Variants in WNT10A observed in about 807,000 individuals in gnomAD.
The protein encoded by WNT10A is protein Wnt-10a.
Under a neutral mutation model 36.1 loss-of-function variants are expected in WNT10A, and 37 were observed. The ratio of observed to expected loss-of-function variants is 1.02; its 90% CI spans 0.79 to 1.35. The LOEUF (loss-of-function observed/expected upper bound fraction) is 1.35. Ranked by LOEUF, WNT10A falls within the 40% of genes most tolerant of loss-of-function variation. The pLI is 0.00. For missense variants in WNT10A, 613 were observed against 601.4 expected (o/e 1.02, Z -0.20); for synonymous variants, 255 against 254.1 (o/e 1.00, Z -0.03).
chr2:218,890,477 A>T, intron 3 of WNT10A, 114 bp downstream of exon 3: 1 of 1,455,186 alleles, frequency 6.9e-7, no homozygotes, highest in Non-Finnish European at 9.4e-7. Flanking sequence ...CACCTTGGCA[A>T]TCTTCTCGTT....
intron 2 of WNT10A, among the ~76,000 whole-genome samples, chr2:218,883,413 T>A (rs1330676353): frequency 6.6e-6 from 1 of 152,008 alleles, no homozygotes; most frequent in Non-Finnish European, 1.5e-5. Flanking sequence ...AGGCTGTACC[T>A]CAAATTCGGA....
intron 3 of WNT10A, among the ~76,000 whole-genome samples, chr2:218,891,119 TTA>T (rs1944645246): frequency 6.6e-6 from 1 of 152,226 alleles, no homozygotes; most frequent in Non-Finnish European, 1.5e-5. Context: ...GTTATTAACC[TTA>T]TGTTGAGATA....
At chr2:218,888,522 C>A (rs1021731475) in intron 2 of WNT10A, among the ~76,000 whole-genome samples, 3 of 152,222 alleles carry the variant, frequency 2.0e-5, no homozygotes, top group Non-Finnish European at 4.4e-5. Context: ...CCATGTTCAA[C>A]ACTACTACAT....
Position 218,880,854 on chromosome 2 carries a change from C to T in WNT10A, c.-142C>T. On this transcript the variant is annotated 5_prime_UTR_variant, in exon 1 of 4. Coordinates refer to ENST00000258411, the MANE Select transcript of WNT10A (RefSeq NM_025216.3). This position sits in a 1 kb window ranked among gnomAD's most constrained non-coding sequence, Gnocchi z 7.7. ...CATGGAGCGGGGAGGCGGGCGCCGT[C>T]TGCTCCGGGAGCCCTGACCCGAGTC... 1 of 1,018,666 alleles carries T rather than the reference C, an allele frequency of 9.8e-7. No homozygotes were observed. The highest frequency in any genetic ancestry group is 3.7e-5 in the Admixed American group (1 of 27,396). The allele number at this position is 1,018,666 out of a possible 1,614,324, so 63.1% of individuals were successfully genotyped here.
chr2:218,881,204 A>G, intron 1 of WNT10A, 96 bp downstream of exon 1: 1 of 1,515,280 alleles, frequency 6.6e-7, no homozygotes, highest in Non-Finnish European at 9.0e-7. Context: ...ACCCTGGAAG[A>G]AGGGAGGGAC....
intron 2 of WNT10A, among the ~76,000 whole-genome samples, chr2:218,882,854 A>G (rs1395453671): frequency 4.6e-5 from 7 of 152,194 alleles, no homozygotes; most frequent in South Asian, 4.1e-4. Flanking sequence ...GTGCAGATGG[A>G]GGCAGCCTGG....
chr2:218,877,033 C>T, upstream of WNT10A, among the ~76,000 whole-genome samples: 1 of 152,144 alleles, frequency 6.6e-6, no homozygotes, highest in African/African-American at 2.4e-5. The surrounding 1 kb of genome is among the most constrained non-coding windows in gnomAD (Gnocchi z 4.1). Context: ...CTGGGTCCTG[C>T]AGGGGGTGAG....
Position 218,890,041 on chromosome 2 carries a change from T to C in WNT10A, c.434T>C (p.Val145Ala), listed in dbSNP as rs776959830. 3.1e-6 allele frequency: 5 copies of C among 1,614,002 alleles called. No homozygotes were observed. In the East Asian group the frequency reaches 8.9e-5, roughly 29 times the overall value. ...GCAGCAGCTGGCGTGGTGCACGCCG[T>C]GTCCAATGCGTGTGCCCTGGGCAAA... ...AIAAAGVVHA[V>A]SNACALGKLK... The change falls in exon 3 of 4, where the codon GTG becomes GCG. Residue 145 changes from valine to alanine, a missense_variant. Physicochemically the swap from Val to Ala is moderately conservative, Grantham distance 64. Transcript: ENST00000258411.
intron 2 of WNT10A, among the ~76,000 whole-genome samples, chr2:218,888,322 C>A (rs1220009952): frequency 6.6e-6 from 1 of 152,222 alleles, no homozygotes; most frequent in Non-Finnish European, 1.5e-5. Flanking sequence ...TGCAAGTAGG[C>A]CTCCCCCTGC....
Position 218,890,107 on chromosome 2 carries a change from AG to A in WNT10A, c.502del (p.Glu168ArgfsTer21). 6.2e-7 allele frequency: 1 copy of A among 1,614,148 alleles called. No individual in the cohort carries two copies. The highest frequency in any genetic ancestry group is 2.2e-5 in the East Asian group (1 of 44,886). ...TGTGATGCGTCCCGGCGAGGGGACG[AG>A]GAGGCCTTCCGTAGGAAGCTGCACC... ...CGCDASRRGD[E>X]EAFRRKLHRL... On this transcript the variant is annotated frameshift_variant, in exon 3 of 4. Transcript: ENST00000258411. LOFTEE classifies it high-confidence loss of function.
rs748083299 is a variant in WNT10A at position 218,892,908 on chromosome 2, C to G, written c.891C>G (p.Ala297=). 1.4e-5 allele frequency: 21 copies of G among 1,528,228 alleles called. No individual in the cohort carries two copies. The highest frequency in any genetic ancestry group is 8.8e-7 in the Non-Finnish European group (1 of 1,140,856). The allele number at this position is 1,528,228 out of a possible 1,614,324, so 94.7% of individuals were successfully genotyped here. A position where few individuals can be genotyped will look rare whatever the true frequency, so the allele number is the denominator to read the frequency against. Residue 297 remains alanine (A), a synonymous_variant, in exon 4 of 4, where the codon GCC becomes GCG. Transcript: ENST00000258411. ...GALLRSRFHR[A]TLIRPHNRNG... is the part of the protein sequence containing the mutation. ...TGCTGCGCAGCCGCTTCCACCGCGC[C>G]ACGCTCATCCGGCCGCACAACCGCA...
At chr2:218,890,869 G>A (rs993644883) in intron 3 of WNT10A, among the ~76,000 whole-genome samples, 3 of 152,184 alleles carry the variant, frequency 2.0e-5, no homozygotes, top group South Asian at 4.1e-4. Context: ...GGGCCACTGG[G>A]GAACTGTGTT....
At chr2:218,883,644 C>A (rs896536327) in intron 2 of WNT10A, among the ~76,000 whole-genome samples, 2 of 151,562 alleles carry the variant, frequency 1.3e-5, no homozygotes, top group Non-Finnish European at 3.0e-5. Flanking sequence ...CATGCAGCCG[C>A]GAACTAATCC....
rs78397665 is a variant in WNT10A at position 218,884,847 on chromosome 2, A to G, written c.376+2424A>G. On this transcript the variant is annotated intron_variant, in intron 2 of 3. Transcript: ENST00000258411. ...GGGTCAGGTGACCTCCGTTTCCTCC[A>G]AGTGGAATATCTGGGTGCTGACCCC... is the stretch of plus-strand genomic sequence containing the variant. Among the ~76,000 whole-genome samples the G allele has an allele frequency of 3.9e-5, 6 of 152,282 alleles. No individual in the cohort carries two copies. The East Asian group carries it at 1.2e-3, about 29-fold the overall frequency.
rs940704329 is a variant in WNT10A, at chr2:218,883,889, C to T, written c.376+1466C>T. ...ACGGGCCTCTGCACCATTCATGCCC[C>T]GGCTGGGCCGGGCCGGCGCTCACCG... On this transcript the variant is annotated intron_variant, in intron 2 of 3. Coordinates refer to ENST00000258411, the MANE Select transcript of WNT10A (RefSeq NM_025216.3). 15 of 152,310 alleles carry T rather than the reference C, an allele frequency of 9.8e-5. No individual in the cohort carries two copies. In the East Asian group the frequency reaches 2.1e-3, roughly 22 times the overall value. 9.4% of individuals were successfully genotyped at this position (152,310 alleles called of 1,614,324 possible).
At chr2:218,890,468 A>C in intron 3 of WNT10A, 105 bp downstream of exon 3, 1 of 1,514,326 alleles carries the variant, frequency 6.6e-7, no homozygotes, top group Non-Finnish European at 9.0e-7. Context: ...CACATGTCAC[A>C]CCTTGGCAAT....
Position 218,880,851 on chromosome 2 carries a change from CG to C in WNT10A, c.-144del. On this transcript the variant is annotated 5_prime_UTR_variant, in exon 1 of 4. Transcript: ENST00000258411. The surrounding 1 kb of genome is among the most constrained non-coding windows in gnomAD (Gnocchi z 7.7). ...CCCCATGGAGCGGGGAGGCGGGCGCCGTCTGCTCCGGGAGCCCTGACCCGAG... is the reference window on the plus strand; with the variant it reads ...CCCCATGGAGCGGGGAGGCGGGCGCCTCTGCTCCGGGAGCCCTGACCCGAG... 2.1e-6 allele frequency: 2 copies of C among 959,426 alleles called. No homozygotes were observed. The highest frequency in any genetic ancestry group is 2.9e-6 in the Non-Finnish European group (2 of 691,414). 59.4% of individuals were successfully genotyped at this position (959,426 alleles called of 1,614,324 possible).
intron 3 of WNT10A, 59 bp from the exon 4 acceptor site, chr2:218,892,715 C>T: frequency 1.9e-6 from 3 of 1,546,836 alleles, no homozygotes; most frequent in Admixed American, 2.0e-5. Flanking sequence ...CCAGGCTAAG[C>T]GCTGGGAGGG....
chr2:218,874,883 C>T, the WNT10A span, among the ~76,000 whole-genome samples: 1 of 152,158 alleles, frequency 6.6e-6, no homozygotes, highest in African/African-American at 2.4e-5. Flanking sequence ...CAAACAACCC[C>T]AAAGTAATCA....
Sources: allele counts gnomAD v4.1 joint callset (sites outside exome capture counted in the v4.1 genomes callset), GRCh38; gene constraint gnomAD v4.1.1; non-coding constraint Gnocchi (gnomAD v3.1); transcripts MANE v1.5; gene names NCBI Gene and HGNC (gene_info 2026-07-23, HGNC 2026-07-21).